ATPAF2: variants seen among roughly 807,000 people sequenced by gnomAD.
The protein encoded by ATPAF2 is ATP synthase mitochondrial F1 complex assembly factor 2.
ATPAF2 carries 30 observed loss-of-function variants against 36.6 expected under a neutral mutation model. That is an observed-to-expected ratio of 0.82 (90% CI 0.61 to 1.11). The LOEUF (loss-of-function observed/expected upper bound fraction) is 1.11. Among genes scored for constraint, ATPAF2 ranks in the 50% most tolerant of loss-of-function variants. The pLI is 0.00. For missense variants in ATPAF2, 321 were observed against 372.3 expected (o/e 0.86, Z 1.13); for synonymous variants, 140 against 152.6 (o/e 0.92, Z 0.61).
rs1396590704 is a variant in ATPAF2, at chr17:18,018,386, A to G, written c.*163T>C. 2 of 978,624 alleles carry G rather than the reference A, an allele frequency of 2.0e-6. No homozygotes were observed. The highest frequency in any genetic ancestry group is 3.1e-6 in the Non-Finnish European group (2 of 648,120). The allele number at this position is 978,624 out of a possible 1,614,324, so 60.6% of individuals were successfully genotyped here. A position where few individuals can be genotyped will look rare whatever the true frequency, so the allele number is the denominator to read the frequency against. On this transcript the variant is annotated 3_prime_UTR_variant, in exon 8 of 8. Transcript: ENST00000474627. ...GGGTTGAAATCAGGCTGACCTCCGG[A>G]CAGCCGTACTAGCGCACTGTGTCTC...
At chr17:18,016,554 T>C (rs1245119873), downstream of ATPAF2, 2 of 1,607,292 alleles carry the variant, frequency 1.2e-6, no homozygotes, top group Non-Finnish European at 1.7e-6. Context: ...GTTTCACTCC[T>C]CAGATTCACA....
chr17:18,016,075 T>C, downstream of ATPAF2: 1 of 1,613,716 alleles, frequency 6.2e-7, no homozygotes, highest in East Asian at 2.2e-5. Context: ...TTTTTGTCGA[T>C]AAAGATACGA....
At chr17:18,027,469 T>C (rs749529756) in intron 3 of ATPAF2, among the ~76,000 whole-genome samples, 49 of 152,190 alleles carry the variant, frequency 3.2e-4, no homozygotes, top group Non-Finnish European at 6.2e-4. Context: ...CTGGGGACCA[T>C]GCCAAGGGCT....
downstream of ATPAF2, among the ~76,000 whole-genome samples, chr17:18,017,177 A>AC: frequency 1.3e-5 from 1 of 78,890 alleles, no homozygotes; most frequent in African/African-American, 5.4e-5. Flanking sequence ...GTCTCAAAAA[A>AC]AAAAAAAAAA....
chr17:18,033,818 C>T (rs1168129741), intron 1 of ATPAF2, among the ~76,000 whole-genome samples: 1 of 152,108 alleles, frequency 6.6e-6, no homozygotes, highest in African/African-American at 2.4e-5. Flanking sequence ...TCTTACGACT[C>T]AATAACAAAA....
At chr17:18,018,017 A>G (rs2044408873), downstream of ATPAF2, 1 of 179,116 alleles carries the variant, frequency 5.6e-6, no homozygotes, top group African/African-American at 2.4e-5. Context: ...AGCTTAGACC[A>G]CAATTGTTTC....
In ATPAF2 at chr17:18,038,905, C is replaced by A. The variant is rs2044747643; in HGVS notation, c.109G>T (p.Ala37Ser). The change falls in exon 1 of 8, where the codon GCC (alanine) becomes TCC (serine). Residue 37 changes from alanine to serine, a missense_variant. Around this residue, in one of 3 missense-constraint regions of ATPAF2, gnomAD observed 69 missense variants for 60.1 expected, o/e 1.15. Coordinates refer to ENST00000474627, the MANE Select transcript of ATPAF2 (RefSeq NM_145691.4). ...MSPGPTIPSP[A>S]RAYAPPTERK... ...CCTGTCGGCGGGGCGTAAGCCCGGG[C>A]TGGAGACGGGATGGTTGGCCCCGGA... 4.3e-6 allele frequency: 7 copies of A among 1,614,032 alleles called. No individual in the cohort carries two copies. Among genetic ancestry groups the A allele is most frequent in the Non-Finnish European group, 5.9e-6 (7 of 1,179,896 alleles).
chr17:18,021,623 C>T lies in ATPAF2; in HGVS notation c.616+122G>A, dbSNP rs538087575. Reference sequence around the variant, plus strand: ...ATCAGAGCCACCCAGCCTCCACACTCAGCTAGCCCAGAACACTCTGTGCCT... The same window carrying T: ...ATCAGAGCCACCCAGCCTCCACACTTAGCTAGCCCAGAACACTCTGTGCCT... On this transcript the variant is annotated intron_variant, in intron 6 of 7. Coordinates refer to ENST00000474627, the MANE Select transcript of ATPAF2 (RefSeq NM_145691.4). The T allele has an allele frequency of 3.0e-5, 27 of 893,126 alleles. No individual in the cohort carries two copies. The East Asian group carries it at 6.5e-4, about 22-fold the overall frequency. The allele number at this position is 893,126 out of a possible 1,614,324, so 55.3% of individuals were successfully genotyped here.
Position 18,035,938 on chromosome 17 carries a change from A to C in ATPAF2, c.133+2943T>G, listed in dbSNP as rs1336678678. On this transcript the variant is annotated intron_variant, in intron 1 of 7. Transcript: ENST00000474627. ...ACTTCTAGCCTTGACTTCATCAGGC[A>C]GTTGCATTCAGCCAGATACGCTGAA... Among the ~76,000 whole-genome samples, 5 of 152,356 alleles carry C rather than the reference A, an allele frequency of 3.3e-5. No individual in the cohort carries two copies. In the East Asian group the frequency reaches 9.6e-4, roughly 29 times the overall value.
At chr17:18,038,810 G>A in intron 1 of ATPAF2, 71 bp downstream of exon 1, 1 of 1,598,506 alleles carries the variant, frequency 6.3e-7, no homozygotes, top group Non-Finnish European at 8.6e-7. Context: ...ACTTCGCTTT[G>A]CACAGCCGAA....
chr17:18,026,939 G>A (rs2955378), intron 3 of ATPAF2, among the ~76,000 whole-genome samples: 61,168 of 151,892 alleles, frequency 0.4, 13,442 homozygotes, highest in East Asian at 0.87. Context: ...TATTTTTTTC[G>A]GCCAAGTGTG....
intron 1 of ATPAF2, among the ~76,000 whole-genome samples, chr17:18,030,400 G>A (rs1157196297): frequency 6.7e-6 from 1 of 149,188 alleles, no homozygotes; most frequent in African/African-American, 2.5e-5. Context: ...CCAGCTACTA[G>A]GAAGGCTGAA....
chr17:18,034,338 G>A lies in ATPAF2; in HGVS notation c.133+4543C>T, dbSNP rs531637260. ...GAGGCTCGCTTGAGCCCAGGAGGTT[G>A]AGGCTGCAGTAAGCTGTAACTGAGC... On this transcript the variant is annotated intron_variant, in intron 1 of 7. Transcript: ENST00000474627. Among the ~76,000 whole-genome samples the A allele has an allele frequency of 4.3e-4, 65 of 152,248 alleles. 1 individual carries two copies. Among genetic ancestry groups the A allele is most frequent in the Admixed American group, 2.0e-3 (31 of 15,296 alleles).
At chr17:18,034,443 G>A (rs913602272) in intron 1 of ATPAF2, among the ~76,000 whole-genome samples, 3 of 152,004 alleles carry the variant, frequency 2.0e-5, no homozygotes, top group Admixed American at 6.6e-5. Context: ...CTGAATAGAC[G>A]TTTCTTCAAA....
At chr17:18,034,536 G>A (rs2044678999) in intron 1 of ATPAF2, among the ~76,000 whole-genome samples, 1 of 152,186 alleles carries the variant, frequency 6.6e-6, no homozygotes, top group African/African-American at 2.4e-5. Flanking sequence ...ACCACAATGA[G>A]ATACCACTTC....
chr17:18,027,777 G>C (rs1333976258), intron 3 of ATPAF2, among the ~76,000 whole-genome samples: 1 of 152,198 alleles, frequency 6.6e-6, no homozygotes, highest in Non-Finnish European at 1.5e-5. Flanking sequence ...TATTTACTGA[G>C]TACCAACTAA....
chr17:18,022,914 A>G (rs936934809), intron 5 of ATPAF2, among the ~76,000 whole-genome samples: 1 of 151,870 alleles, frequency 6.6e-6, no homozygotes, highest in Non-Finnish European at 1.5e-5. Flanking sequence ...TCACGAGGTC[A>G]GGAGATTGAG....
downstream of ATPAF2, chr17:18,016,161 G>A (rs759026512): frequency 8.7e-6 from 14 of 1,613,980 alleles, no homozygotes; most frequent in Middle Eastern, 1.6e-3. Context: ...CTGGTGACCA[G>A]AATCAACTCT....
chr17:18,022,094 A>G (rs144968122), intron 5 of ATPAF2, among the ~76,000 whole-genome samples: 24 of 152,312 alleles, frequency 1.6e-4, no homozygotes, highest in African/African-American at 5.8e-4. Flanking sequence ...ATGGTTCCTG[A>G]GTCATGTGAG....
Sources: gnomAD v4.1 joint callset for allele counts (sites outside exome capture counted in the v4.1 genomes callset) on GRCh38, gnomAD v4.1.1 for gene constraint, gnomAD v4.1.1 regional missense constraint, MANE v1.5 for transcripts, NCBI Gene and HGNC (gene_info 2026-07-23, HGNC 2026-07-21) for gene names.